Variants in B3GLCT observed in about 807,000 individuals in gnomAD.
The protein encoded by B3GLCT is beta-1,3-glucosyltransferase.
B3GLCT carries 65 observed loss-of-function variants against 63.4 expected under a neutral mutation model. The observed-to-expected ratio is 1.03, with a 90% CI of 0.84 to 1.26. The LOEUF is 1.26. B3GLCT is among the 50% of genes most tolerant of loss of function. The pLI, the probability that B3GLCT is intolerant of heterozygous loss-of-function variation, is 0.00. For missense variants in B3GLCT, 577 were observed against 604.8 expected, an observed-to-expected ratio of 0.95 and a Z score of 0.48; for synonymous variants, 233 against 219.2, an observed-to-expected ratio of 1.06 and a Z score of -0.55.
At chr13:31,281,018 G>A (rs1873042241) in intron 10 of B3GLCT, among the ~76,000 whole-genome samples, 1 of 152,108 alleles carries the variant, frequency 6.6e-6, no homozygotes, top group Non-Finnish European at 1.5e-5. Context: ...TTCCTCTTGG[G>A]TTCTGTGTTT....
chr13:31,199,989 C>CGCGGCGGCAGGGCGGCGGCAGG lies in B3GLCT; in HGVS notation c.-77_-76insAGGGCGGCGGCAGGGCGGCGGC, dbSNP rs1555242627. 8.1e-5 allele frequency: 58 copies of CGCGGCGGCAGGGCGGCGGCAGG among 715,558 alleles called. No homozygotes were observed. The African/African-American group carries it at 1.1e-3, about 14-fold the overall frequency. The allele number at this position is 715,558 out of a possible 1,614,324, so 44.3% of individuals were successfully genotyped here. A position where few individuals can be genotyped will look rare whatever the true frequency, so the allele number is the denominator to read the frequency against. ...GGGGAGCCGGCAGAGAAGGGTCAGC[C>CGCGGCGGCAGGGCGGCGGCAGG]GCGGCGGCAGGGCGGCGGCGGCAGC... is the stretch of plus-strand genomic sequence containing the variant. On this transcript the variant is annotated 5_prime_UTR_variant, in exon 1 of 15. Coordinates refer to ENST00000343307, the MANE Select transcript of B3GLCT (RefSeq NM_194318.4).
chr13:31,230,962 C>T (rs1012533285), intron 4 of B3GLCT, among the ~76,000 whole-genome samples: 5 of 152,016 alleles, frequency 3.3e-5, no homozygotes, highest in African/African-American at 7.3e-5. Context: ...GAACTGAGAT[C>T]GCGCCACTGC....
intron 7 of B3GLCT, among the ~76,000 whole-genome samples, chr13:31,266,224 T>G (rs1401645963): frequency 6.6e-6 from 1 of 152,090 alleles, no homozygotes; most frequent in Non-Finnish European, 1.5e-5. Flanking sequence ...GGCCTCGATC[T>G]CCTGACCTCA....
intron 12 of B3GLCT, among the ~76,000 whole-genome samples, chr13:31,301,870 T>C (rs1874238555): frequency 6.6e-6 from 1 of 152,228 alleles, no homozygotes; most frequent in South Asian, 2.1e-4. Flanking sequence ...TTAAGACTTT[T>C]GTTTTAACCC....
At chr13:31,272,323 C>A (rs1305021608) in intron 8 of B3GLCT, among the ~76,000 whole-genome samples, 1 of 149,976 alleles carries the variant, frequency 6.7e-6, no homozygotes, top group Non-Finnish European at 1.5e-5. Flanking sequence ...TCAAGCAGTT[C>A]GCTGCCTTAG....
chr13:31,215,215 C>G, intron 2 of B3GLCT, 115 bp downstream of exon 2: 1 of 1,098,872 alleles, frequency 9.1e-7, no homozygotes, highest in Non-Finnish European at 1.4e-6. Context: ...TTACATAATT[C>G]ATATAATGTG....
At chr13:31,299,664 A>C (rs1170866920) in intron 12 of B3GLCT, among the ~76,000 whole-genome samples, 1 of 152,170 alleles carries the variant, frequency 6.6e-6, no homozygotes, top group Non-Finnish European at 1.5e-5. Context: ...GATTCAGCCC[A>C]TCTCTGCCTG....
rs939837228 is a variant in B3GLCT, at chr13:31,280,568, G to A, written c.850+3797G>A. 3.9e-5 allele frequency among the ~76,000 whole-genome samples: 6 copies of A among 152,172 alleles called. No homozygotes were observed. In the South Asian group the frequency reaches 1.2e-3, roughly 31 times the overall value. On this transcript the variant is annotated intron_variant, in intron 10 of 14. Coordinates refer to ENST00000343307, the MANE Select transcript of B3GLCT (RefSeq NM_194318.4). ...TTCATTATATGTTGGTTACCTTCTG[G>A]GATGAGAAGGAGAGATGGAACATGT...
chr13:31,210,947 G>A (rs1869225557), intron 1 of B3GLCT, among the ~76,000 whole-genome samples: 2 of 151,918 alleles, frequency 1.3e-5, no homozygotes, highest in South Asian at 4.2e-4. Flanking sequence ...TTGGAGAGAT[G>A]GGGTCCCACC....
chr13:31,286,157 G>T (rs1045145122), intron 11 of B3GLCT, among the ~76,000 whole-genome samples: 1 of 152,102 alleles, frequency 6.6e-6, no homozygotes, highest in Admixed American at 6.5e-5. Context: ...TTATCTATTG[G>T]TATCTGAAGG....
chr13:31,229,681 G>T (rs1870278287), intron 4 of B3GLCT, among the ~76,000 whole-genome samples: 2 of 151,826 alleles, frequency 1.3e-5, no homozygotes. Context: ...AGGAGGCAGA[G>T]GTTGCAGTGA....
chr13:31,253,243 G>C (rs528829061), intron 6 of B3GLCT, among the ~76,000 whole-genome samples: 1 of 152,046 alleles, frequency 6.6e-6, no homozygotes, highest in African/African-American at 2.4e-5. Flanking sequence ...AGCACTAAAT[G>C]CCCACAAGAG....
Position 31,215,032 on chromosome 13 carries a change from CTTTTTT to C in B3GLCT, c.71-10_71-5del. On this transcript the variant is annotated splice_polypyrimidine_tract_variant and intron_variant, in intron 1 of 14. Coordinates refer to ENST00000343307, the MANE Select transcript of B3GLCT (RefSeq NM_194318.4). ...TGCTAATTCTAAGGTAGAAATATTT[CTTTTTT>C]TTTTTTTTCCAGCTTTTGGTTTGGC... 1 of 1,256,082 alleles carries C rather than the reference CTTTTTT, an allele frequency of 8.0e-7. No homozygotes were observed. 77.8% of individuals were successfully genotyped at this position (1,256,082 alleles called of 1,614,324 possible).
chr13:31,284,932 A>G (rs866429355), intron 11 of B3GLCT, among the ~76,000 whole-genome samples, 171 bp downstream of exon 11: 1 of 152,194 alleles, frequency 6.6e-6, no homozygotes, highest in South Asian at 2.1e-4. Flanking sequence ...AGGGCTTTAT[A>G]GTACGAAGTG....
chr13:31,281,661 A>G (rs1027335919), intron 10 of B3GLCT, among the ~76,000 whole-genome samples: 4 of 152,192 alleles, frequency 2.6e-5, no homozygotes, highest in African/African-American at 9.7e-5. Context: ...ATTAGGACAC[A>G]TTCATGTGTG....
chr13:31,202,660 A>G (rs977308999), intron 1 of B3GLCT, among the ~76,000 whole-genome samples: 3 of 152,176 alleles, frequency 2.0e-5, no homozygotes, highest in African/African-American at 7.2e-5. Context: ...CTCTACAGAG[A>G]TATCTTTAGA....
chr13:31,228,611 C>T (rs1870218583), intron 3 of B3GLCT, among the ~76,000 whole-genome samples: 3 of 152,080 alleles, frequency 2.0e-5, no homozygotes, highest in Admixed American at 2.0e-4. Flanking sequence ...CTCTGTGTGT[C>T]ATTTATGTGT....
chr13:31,286,543 CCACTGGT>C lies in B3GLCT; in HGVS notation c.965-176_965-170del, dbSNP rs1283170107. Among the ~76,000 whole-genome samples, 995 of 152,206 alleles carry C rather than the reference CCACTGGT, an allele frequency of 6.5e-3. 14 individuals carry two copies. The highest frequency in any genetic ancestry group is 0.019 in the African/African-American group (808 of 41,528). On this transcript the variant is annotated intron_variant, in intron 11 of 14. Coordinates refer to ENST00000343307, the MANE Select transcript of B3GLCT (RefSeq NM_194318.4). ...TTGAATTTCATTATCTCTAAAGTTC[CCACTGGT>C]TCAATGTGTCTGTGAAAATTAGAGA...
intron 1 of B3GLCT, 52 bp from the exon 2 acceptor site, chr13:31,214,999 A>AC: frequency 6.7e-7 from 1 of 1,499,398 alleles, no homozygotes; most frequent in Non-Finnish European, 9.2e-7. Context: ...GTGAGAATTA[A>AC]CCTGAATTGC....
Sources: gnomAD v4.1 joint callset for allele counts (sites outside exome capture counted in the v4.1 genomes callset) on GRCh38, gnomAD v4.1.1 for gene constraint, MANE v1.5 for transcripts, NCBI Gene and HGNC (gene_info 2026-07-23, HGNC 2026-07-21) for gene names.